Variants in DOCK7 observed in about 807,000 individuals in gnomAD.
DOCK7 encodes the protein dedicator of cytokinesis protein 7.
DOCK7 carries 138 observed loss-of-function variants against 271.0 expected under a neutral mutation model. That is an observed-to-expected ratio of 0.51 (90% CI 0.44 to 0.59). The LOEUF is 0.59. Among genes scored for constraint, DOCK7 ranks in the 20% least tolerant of loss-of-function variants. The probability of loss-of-function intolerance (pLI) is 0.00; values close to 1 mark genes in which losing one functional copy is unlikely to be tolerated. For synonymous variants in DOCK7, 823 were observed against 876.1 expected, an observed-to-expected ratio of 0.94 and a Z score of 1.07; for missense variants, 2,066 against 2,592.4, an observed-to-expected ratio of 0.80 and a Z score of 4.41.
At chr1:62,497,777 TA>T (rs1253274120) in intron 37 of DOCK7, among the ~76,000 whole-genome samples, 1 of 152,166 alleles carries the variant, frequency 6.6e-6, no homozygotes, top group Non-Finnish European at 1.5e-5. Context: ...CTCCTCTCCT[TA>T]AAATGCTCCT....
intron 37 of DOCK7, among the ~76,000 whole-genome samples, chr1:62,502,087 A>C (rs1317596407): frequency 6.6e-6 from 1 of 152,158 alleles, no homozygotes; most frequent in Non-Finnish European, 1.5e-5. Context: ...TTTGCTTGAT[A>C]GAAGGAAATA....
In DOCK7 at chr1:62,528,420, T is replaced by C. The variant is rs1645079513; in HGVS notation, c.3782-115A>G. ...TTGTTGACATGTTATAGTTATTAGA[T>C]TTACTTCTTTTGGATAATATTTTAA... is the stretch of plus-strand genomic sequence containing the variant. On this transcript the variant is annotated intron_variant, in intron 30 of 49. Transcript: ENST00000635253. The C allele has an allele frequency of 5.4e-6, 5 of 931,914 alleles. No homozygotes were observed. The Admixed American group carries it at 1.3e-4, about 25-fold the overall frequency. The allele number at this position is 931,914 out of a possible 1,614,324, so 57.7% of individuals were successfully genotyped here.
chr1:62,596,856 A>G (rs1273960296), intron 14 of DOCK7, among the ~76,000 whole-genome samples: 2 of 152,160 alleles, frequency 1.3e-5, no homozygotes, highest in African/African-American at 2.4e-5. Flanking sequence ...AGAGACACAG[A>G]ACACAGTGGA....
intron 14 of DOCK7, among the ~76,000 whole-genome samples, chr1:62,613,114 T>G (rs1414029867): frequency 6.6e-6 from 1 of 152,238 alleles, no homozygotes; most frequent in Non-Finnish European, 1.5e-5. Context: ...TTCAGATGAT[T>G]TCAAATATCC....
chr1:62,664,783 A>T lies in DOCK7; in HGVS notation c.39-1653T>A, dbSNP rs750395153. 7.0e-3 allele frequency among the ~76,000 whole-genome samples: 434 copies of T among 61,860 alleles called. 2 individuals are homozygous for T. Among genetic ancestry groups the T allele is most frequent in the African/African-American group, 0.021 (400 of 18,802 alleles). The allele number at this position is 61,860 out of a possible 152,430, so 40.6% of individuals were successfully genotyped here. A position where few individuals can be genotyped will look rare whatever the true frequency, so the allele number is the denominator to read the frequency against. ...CCCTCCCAAAAAAGTCTACTAGTTT[A>T]AAAAAAAAAAAAAAAAGTTAACGAC... is the stretch of plus-strand genomic sequence containing the variant. On this transcript the variant is annotated intron_variant, in intron 1 of 49. Transcript: ENST00000635253.
At chr1:62,499,914 T>A (rs1403081291) in intron 37 of DOCK7, among the ~76,000 whole-genome samples, 3 of 138,608 alleles carry the variant, frequency 2.2e-5, no homozygotes, top group African/African-American at 2.7e-5. Context: ...AAGAAACCCA[T>A]CTTGAAGTTG....
intron 1 of DOCK7, among the ~76,000 whole-genome samples, chr1:62,673,768 T>A (rs755309942): frequency 3.9e-5 from 6 of 152,192 alleles, no homozygotes; most frequent in Non-Finnish European, 7.3e-5. Flanking sequence ...CACCTTTCCT[T>A]TTTTACAACA....
intron 41 of DOCK7, among the ~76,000 whole-genome samples, chr1:62,489,347 G>C (rs1646391285): frequency 6.6e-6 from 1 of 152,166 alleles, no homozygotes. Flanking sequence ...TACTCAGGAG[G>C]CTGAGGCAGG....
chr1:62,638,555 A>AT (rs529182076), intron 7 of DOCK7, among the ~76,000 whole-genome samples: 3 of 147,586 alleles, frequency 2.0e-5, no homozygotes, highest in African/African-American at 7.4e-5. Context: ...GAATATATAT[A>AT]TTTTTTCATG....
At chr1:62,547,673 T>C (rs1645756096) in intron 22 of DOCK7, among the ~76,000 whole-genome samples, 1 of 152,162 alleles carries the variant, frequency 6.6e-6, no homozygotes, top group South Asian at 2.1e-4. Flanking sequence ...TAAAAAGCAA[T>C]AAAGTTCAGA....
At chr1:62,599,914 C>G (rs1649860643) in intron 14 of DOCK7, among the ~76,000 whole-genome samples, 1 of 151,898 alleles carries the variant, frequency 6.6e-6, no homozygotes, top group Non-Finnish European at 1.5e-5. Flanking sequence ...TAATAATACT[C>G]TCAAACAGCT....
chr1:62,475,615 G>T, intron 46 of DOCK7, 92 bp downstream of exon 46: 1 of 1,236,326 alleles, frequency 8.1e-7, no homozygotes, highest in Non-Finnish European at 1.2e-6. Flanking sequence ...TGGTATAAGG[G>T]ATGGTACATA....
chr1:62,573,969 T>C (rs1357455701), intron 18 of DOCK7, among the ~76,000 whole-genome samples: 2 of 152,098 alleles, frequency 1.3e-5, no homozygotes, highest in African/African-American at 4.8e-5. Flanking sequence ...TTTATACAGT[T>C]ACAAGGAAGA....
chr1:62,644,503 A>G (rs1476850422), intron 7 of DOCK7, among the ~76,000 whole-genome samples: 1 of 152,204 alleles, frequency 6.6e-6, no homozygotes, highest in African/African-American at 2.4e-5. Flanking sequence ...AACAGCCCTA[A>G]TGTAAAATTA....
At chr1:62,661,122 C>T (rs1658613370) in intron 2 of DOCK7, among the ~76,000 whole-genome samples, 1 of 151,276 alleles carries the variant, frequency 6.6e-6, no homozygotes, top group Non-Finnish European at 1.5e-5. Context: ...AGATACAGGC[C>T]ACAACCTGAA....
intron 33 of DOCK7, chr1:62,511,027 C>G (rs760312515): frequency 2.6e-5 from 5 of 190,586 alleles, no homozygotes; most frequent in Non-Finnish European, 5.4e-5. Flanking sequence ...GTTATCCTTG[C>G]GAATCTATCA....
chr1:62,545,336 C>T (rs1445048824), intron 22 of DOCK7, among the ~76,000 whole-genome samples: 1 of 152,038 alleles, frequency 6.6e-6, no homozygotes, highest in Admixed American at 6.6e-5. Flanking sequence ...CAGCACCACA[C>T]CCCCAAACTT....
At chr1:62,645,889 T>C (rs575895716) in intron 7 of DOCK7, among the ~76,000 whole-genome samples, 22 of 152,294 alleles carry the variant, frequency 1.4e-4, no homozygotes, top group African/African-American at 5.3e-4. Context: ...GGCTCACACC[T>C]GTAATCCCAG....
intron 28 of DOCK7, among the ~76,000 whole-genome samples, chr1:62,536,787 TAAAA>T (rs1645358787): frequency 6.6e-6 from 1 of 152,124 alleles, no homozygotes; most frequent in African/African-American, 2.4e-5. Flanking sequence ...ATTAAGAGCT[TAAAA>T]AAAGTAGCCT....
Sources: allele counts gnomAD v4.1 joint callset (sites outside exome capture counted in the v4.1 genomes callset), GRCh38; gene constraint gnomAD v4.1.1; transcripts MANE v1.5; gene names NCBI Gene and HGNC (gene_info 2026-07-23, HGNC 2026-07-21).